DPF3: variants seen among roughly 807,000 people sequenced by gnomAD.
DPF3 encodes double PHD fingers 3.
In DPF3, 18 loss-of-function variants were observed where a neutral mutation model predicts 56.8. The ratio of observed to expected loss-of-function variants is 0.32; its 90% CI spans 0.22 to 0.47. The LOEUF (loss-of-function observed/expected upper bound fraction) is 0.47. Ranked by LOEUF, DPF3 falls within the 20% of genes least tolerant of loss-of-function variation. DPF3 has a pLI of 1.00. For missense variants in DPF3, 403 were observed against 488.8 expected (o/e 0.82, Z 1.65); for synonymous variants, 188 against 180.2 (o/e 1.04, Z -0.35).
chr14:72,847,408 A>G (rs1355621258), intron 1 of DPF3, among the ~76,000 whole-genome samples: 3 of 152,100 alleles, frequency 2.0e-5, no homozygotes, highest in Non-Finnish European at 2.9e-5. Context: ...AGGAGCATTT[A>G]CCTCACTATA....
At chr14:72,624,220 C>T (rs1195525187) in intron 9 of DPF3, among the ~76,000 whole-genome samples, 1 of 151,652 alleles carries the variant, frequency 6.6e-6, no homozygotes. Flanking sequence ...CTAATATTAA[C>T]ATATTATATT....
chr14:72,850,051 GGAGGTTGCAGT>G (rs1436230378), intron 1 of DPF3, among the ~76,000 whole-genome samples: 1 of 151,896 alleles, frequency 6.6e-6, no homozygotes, highest in African/African-American at 2.4e-5. Context: ...CCCAGGAGGT[GGAGGTTGCAGT>G]GAGCCGAGAT....
chr14:72,683,727 C>A (rs1239643894), intron 7 of DPF3, among the ~76,000 whole-genome samples: 1 of 152,142 alleles, frequency 6.6e-6, no homozygotes, highest in Non-Finnish European at 1.5e-5. Flanking sequence ...TTTTGCTGTG[C>A]AAATCATTTG....
chr14:72,783,657 T>C (rs1389377921), intron 1 of DPF3, among the ~76,000 whole-genome samples: 1 of 152,046 alleles, frequency 6.6e-6, no homozygotes, highest in Non-Finnish European at 1.5e-5. Flanking sequence ...TGGGGTGAGG[T>C]AGATAAACGA....
chr14:72,682,450 T>G (rs1024234390), intron 7 of DPF3, among the ~76,000 whole-genome samples: 1 of 152,168 alleles, frequency 6.6e-6, no homozygotes, highest in Non-Finnish European at 1.5e-5. Context: ...GTGATGTCAC[T>G]CCCCTTAATG....
At chr14:72,799,474 G>A (rs1308799358) in intron 1 of DPF3, among the ~76,000 whole-genome samples, 3 of 152,090 alleles carry the variant, frequency 2.0e-5, no homozygotes, top group African/African-American at 7.2e-5. Flanking sequence ...AGACCAGCCT[G>A]GGTAACATAG....
At chr14:72,716,700 T>C (rs1888942867) in intron 5 of DPF3, among the ~76,000 whole-genome samples, 1 of 152,180 alleles carries the variant, frequency 6.6e-6, no homozygotes, top group African/African-American at 2.4e-5. Flanking sequence ...TAAGAAGCAC[T>C]TAATAAACAT....
chr14:72,707,384 TC>T, intron 6 of DPF3, among the ~76,000 whole-genome samples: 1 of 152,124 alleles, frequency 6.6e-6, no homozygotes, highest in Non-Finnish European at 1.5e-5. Context: ...TAGTTCTAGA[TC>T]CCTGAGGAAT....
intron 8 of DPF3, among the ~76,000 whole-genome samples, chr14:72,630,204 G>T (rs962519378): frequency 6.6e-6 from 1 of 152,164 alleles, no homozygotes; most frequent in African/African-American, 2.4e-5. Context: ...CTATCAGAAG[G>T]ATTGTATGAG....
intron 1 of DPF3, among the ~76,000 whole-genome samples, chr14:72,789,191 C>T (rs1254834780): frequency 6.6e-6 from 1 of 152,206 alleles, no homozygotes; most frequent in Non-Finnish European, 1.5e-5. Flanking sequence ...ACAGTAACAA[C>T]ATCCAGATGG....
rs1886502903 is a variant in DPF3 at position 72,667,811 on chromosome 14, A to T, written c.871+6429T>A. 2.0e-5 allele frequency among the ~76,000 whole-genome samples: 3 copies of T among 152,322 alleles called. No individual in the cohort carries two copies. In the South Asian group the frequency reaches 6.2e-4, roughly 32 times the overall value. Reference sequence around the variant, plus strand: ...ATTCATTACAAAAACCCTTTTCTTCAGTTGGAATTGAGAAACAGCAAAGTA... The same window carrying T: ...ATTCATTACAAAAACCCTTTTCTTCTGTTGGAATTGAGAAACAGCAAAGTA... On this transcript the variant is annotated intron_variant, in intron 8 of 10. Transcript: ENST00000556509.
At chr14:72,857,409 C>G (rs1246040955) in intron 1 of DPF3, among the ~76,000 whole-genome samples, 14 of 152,270 alleles carry the variant, frequency 9.2e-5, no homozygotes. Flanking sequence ...CAACTAGGAA[C>G]TGGTCGGGGA....
intron 2 of DPF3, among the ~76,000 whole-genome samples, chr14:72,764,304 G>C (rs1258631242): frequency 6.6e-6 from 1 of 152,090 alleles, no homozygotes; most frequent in Non-Finnish European, 1.5e-5. Flanking sequence ...TAGATTCAGA[G>C]ATCTTTGGGT....
chr14:72,791,546 G>T (rs1892431837), intron 1 of DPF3, among the ~76,000 whole-genome samples: 1 of 152,238 alleles, frequency 6.6e-6, no homozygotes, highest in South Asian at 2.1e-4. Flanking sequence ...CAATGCAGGG[G>T]TCCCCTATGC....
chr14:72,747,198 C>T (rs1050479095), intron 3 of DPF3, among the ~76,000 whole-genome samples: 1 of 152,200 alleles, frequency 6.6e-6, no homozygotes, highest in Non-Finnish European at 1.5e-5. Flanking sequence ...TCTCTACCTT[C>T]CAGGGCTATG....
rs1272816683 is a variant in DPF3 at position 72,851,625 on chromosome 14, T to C, written c.32+42432A>G. On this transcript the variant is annotated intron_variant, in intron 1 of 10. Transcript: ENST00000556509. The stretch of plus-strand genomic sequence containing the variant: ...TCTTGCTCCTACACGGATAAAGCTT[T>C]TTTTTAAAGACAGGAAAGAACAATT... Among the ~76,000 whole-genome samples, 9 of 152,348 alleles carry C rather than the reference T, an allele frequency of 5.9e-5. No individual in the cohort carries two copies. The East Asian group carries it at 1.7e-3, about 29-fold the overall frequency.
At position 72,671,167 on chromosome 14, in the gene DPF3, G is replaced by C. The variant is rs577582566; in HGVS notation, c.871+3073C>G. ...ACTGCCCTTTTTATCTGCTGTGGGC[G>C]AACCCCGGCCACTGCGGCGTCCTCG... On this transcript the variant is annotated intron_variant, in intron 8 of 10. Coordinates refer to ENST00000556509, the MANE Select transcript of DPF3 (RefSeq NM_001280542.3). The C allele has an allele frequency of 8.6e-5, 138 of 1,613,892 alleles. 1 individual carries two copies. In the South Asian group the frequency reaches 1.4e-3, roughly 17 times the overall value.
intron 1 of DPF3, among the ~76,000 whole-genome samples, chr14:72,877,410 C>T (rs1256937167): frequency 6.6e-6 from 1 of 152,058 alleles, no homozygotes; most frequent in Non-Finnish European, 1.5e-5. Context: ...AAGATTATTC[C>T]ATCATTTGGG....
intron 6 of DPF3, among the ~76,000 whole-genome samples, chr14:72,701,632 C>T (rs769101423): frequency 5.9e-5 from 9 of 152,160 alleles, no homozygotes; most frequent in African/African-American, 1.4e-4. Context: ...TCCTTCCTGC[C>T]GGGGAGAAGC....
Sources: gnomAD v4.1 joint callset for allele counts (sites outside exome capture counted in the v4.1 genomes callset) on GRCh38, gnomAD v4.1.1 for gene constraint, MANE v1.5 for transcripts, NCBI Gene and HGNC (gene_info 2026-07-23, HGNC 2026-07-21) for gene names.